Variants in SLCO1A2 observed in about 807,000 individuals in gnomAD.
The protein encoded by SLCO1A2 is OATP-1.
Under a neutral mutation model 69.0 loss-of-function variants are expected in SLCO1A2, and 67 were observed. That is an observed-to-expected ratio of 0.97 (90% confidence interval 0.80 to 1.19). SLCO1A2 has a LOEUF of 1.19. Among genes scored for constraint, SLCO1A2 ranks in the 50% most tolerant of loss-of-function variants. SLCO1A2 has a pLI of 0.00. For missense variants in SLCO1A2, 787 were observed against 793.7 expected (o/e 0.99, Z 0.10); for synonymous variants, 260 against 265.9 (o/e 0.98, Z 0.22).
chr12:21,290,731 A>G (rs1476197929), intron 12 of SLCO1A2, among the ~76,000 whole-genome samples: 1 of 152,208 alleles, frequency 6.6e-6, no homozygotes, highest in Non-Finnish European at 1.5e-5. Flanking sequence ...GAATATTTTT[A>G]TAAGTTAGAA....
intron 2 of SLCO1A2, among the ~76,000 whole-genome samples, chr12:21,345,038 G>A (rs1013338776): frequency 6.6e-5 from 10 of 151,708 alleles, no homozygotes; most frequent in South Asian, 6.2e-4. Flanking sequence ...GTTACTTTTC[G>A]TTATCATAAA....
At chr12:21,306,484 C>G (rs530633829) in intron 5 of SLCO1A2, among the ~76,000 whole-genome samples, 10 of 152,210 alleles carry the variant, frequency 6.6e-5, no homozygotes, top group Admixed American at 6.5e-4. Flanking sequence ...CGCTACCATG[C>G]TTGGCTAATT....
intron 2 of SLCO1A2, among the ~76,000 whole-genome samples, chr12:21,332,206 C>G (rs931956603): frequency 9.2e-5 from 14 of 152,108 alleles, no homozygotes; most frequent in African/African-American, 3.1e-4. Context: ...ATGCATCAAT[C>G]AATACATGTA....
At chr12:21,406,811 CTT>C (rs1481694945) in intron 1 of SLCO1A2, among the ~76,000 whole-genome samples, 4 of 152,138 alleles carry the variant, frequency 2.6e-5, no homozygotes, top group Non-Finnish European at 5.9e-5. Context: ...GTGAAAGAGA[CTT>C]AAAATAATTT....
intron 3 of SLCO1A2, among the ~76,000 whole-genome samples, chr12:21,315,241 C>T (rs1167612774): frequency 6.6e-6 from 1 of 152,018 alleles, no homozygotes. Context: ...TCAGACAATG[C>T]AGTGAAGTAA....
intron 1 of SLCO1A2, among the ~76,000 whole-genome samples, chr12:21,394,752 G>A (rs1378552403): frequency 6.6e-6 from 1 of 152,026 alleles, no homozygotes; most frequent in African/African-American, 2.4e-5. Flanking sequence ...CCCATCGAGA[G>A]GCTTGTATAA....
At chr12:21,341,266 C>G (rs533904686) in intron 2 of SLCO1A2, among the ~76,000 whole-genome samples, 1 of 152,026 alleles carries the variant, frequency 6.6e-6, no homozygotes, top group African/African-American at 2.4e-5. Context: ...ACTGGAGGAC[C>G]TAAACCAGAA....
At chr12:21,326,937 C>G (rs949334719) in intron 2 of SLCO1A2, among the ~76,000 whole-genome samples, 1 of 152,126 alleles carries the variant, frequency 6.6e-6, no homozygotes, top group Non-Finnish European at 1.5e-5. Flanking sequence ...CAGAAACTTG[C>G]GTAAGTAATG....
chr12:21,282,394 T>TAA (rs35461166), intron 12 of SLCO1A2, among the ~76,000 whole-genome samples: 5 of 146,062 alleles, frequency 3.4e-5, no homozygotes, highest in Admixed American at 1.4e-4. Context: ...CGCTTTATGG[T>TAA]AAAAAAAAAA....
At chr12:21,404,024 T>A (rs573095343) in intron 1 of SLCO1A2, among the ~76,000 whole-genome samples, 1 of 152,080 alleles carries the variant, frequency 6.6e-6, no homozygotes, top group Non-Finnish European at 1.5e-5. Flanking sequence ...ACAGAGTTGA[T>A]GCGGACAAGG....
At chr12:21,326,843 G>A (rs576234580) in intron 2 of SLCO1A2, among the ~76,000 whole-genome samples, 3 of 152,256 alleles carry the variant, frequency 2.0e-5, no homozygotes, top group Non-Finnish European at 4.4e-5. Flanking sequence ...GGGAAGCAAA[G>A]CATGAAAGTT....
exon 1 of SLCO1A2, chr12:21,395,024 G>C (rs1941367696): frequency 6.5e-6 from 1 of 154,512 alleles, no homozygotes; most frequent in South Asian, 2.0e-4. Context: ...GAGGAGCCAA[G>C]ATGGCCAAAT....
Position 21,297,394 on chromosome 12 carries a change from A to C in SLCO1A2, c.1075+10T>G. 6.2e-7 allele frequency: 1 copy of C among 1,603,518 alleles called. No individual in the cohort carries two copies. The highest frequency in any genetic ancestry group is 8.5e-7 in the Non-Finnish European group (1 of 1,172,638). ...AAGTGTGCTAGTAAGGCAGAGAAAA[A>C]CAAACATACCCATTAGAAAGATTGC... On this transcript the variant is annotated intron_variant, in intron 9 of 14. Transcript: ENST00000683939.
chr12:21,300,456 T>A lies in SLCO1A2; in HGVS notation c.802A>T (p.Asn268Tyr). Residue 268 changes from asparagine to tyrosine, a missense_variant, in exon 8 of 15, where the codon AAC becomes TAC. Asn to Tyr is a moderately radical substitution (Grantham distance 143, BLOSUM62 -2). Coordinates refer to ENST00000683939, the MANE Select transcript of SLCO1A2 (RefSeq NM_001386879.1). ...TCTAGTCCTTCCTTTGGAAGTGTGT[T>A]GGGCAAAAAGAAAAAAGGAATGGCA... ...LTAIPFFFLP[N>Y]TLPKEGLETN... The A allele has an allele frequency of 6.2e-7, 1 of 1,613,622 alleles. No individual in the cohort carries two copies. The highest frequency in any genetic ancestry group is 1.3e-5 in the African/African-American group (1 of 74,980).
chr12:21,413,641 T>G (rs556033549), intron 1 of SLCO1A2, among the ~76,000 whole-genome samples: 25 of 152,206 alleles, frequency 1.6e-4, no homozygotes, highest in Admixed American at 5.9e-4. Flanking sequence ...TAGTTAAACC[T>G]AGGGAAATCA....
chr12:21,286,297 T>C (rs2136234754), intron 12 of SLCO1A2, among the ~76,000 whole-genome samples: 1 of 147,530 alleles, frequency 6.8e-6, no homozygotes, highest in African/African-American at 2.5e-5. Context: ...GAATCCAACT[T>C]ACAAGGGATG....
chr12:21,347,957 C>G (rs886928247), intron 2 of SLCO1A2, among the ~76,000 whole-genome samples: 1 of 152,158 alleles, frequency 6.6e-6, no homozygotes, highest in Non-Finnish European at 1.5e-5. Context: ...TTACTCAACC[C>G]CTGTGACTTC....
chr12:21,274,239 C>T (rs1469067955), intron 14 of SLCO1A2: 3 of 407,268 alleles, frequency 7.4e-6, no homozygotes, highest in Non-Finnish European at 1.3e-5. Context: ...CTTTGAAAGC[C>T]AAGGTTAGGG....
rs905122908 is a variant in SLCO1A2 at position 21,416,504 on chromosome 12, AT to A, written c.-312+1377del. On this transcript the variant is annotated intron_variant, in intron 1 of 4. Transcript: ENST00000413682. ...GGAGGATTTTTTTTTTAACATTGTA[AT>A]TCCCCAAACTTGAGAACCGAGCTAG... Among the ~76,000 whole-genome samples, 25 of 152,118 alleles carry A rather than the reference AT, an allele frequency of 1.6e-4. No homozygotes were observed. In the Middle Eastern group the frequency reaches 0.01, roughly 62 times the overall value.
Sources: gnomAD v4.1 joint callset for allele counts (sites outside exome capture counted in the v4.1 genomes callset) on GRCh38, gnomAD v4.1.1 for gene constraint, MANE v1.5 for transcripts, NCBI Gene and HGNC (gene_info 2026-07-23, HGNC 2026-07-21) for gene names.